The following GXYLT2 variants were observed in gnomAD, a reference collection of about 807,000 sequenced individuals.
The protein encoded by GXYLT2 is glucoside xylosyltransferase 2.
Under a neutral mutation model 45.8 loss-of-function variants are expected in GXYLT2, and 53 were observed. That is an observed-to-expected ratio of 1.16 (90% confidence interval 0.93 to 1.46). The LOEUF (loss-of-function observed/expected upper bound fraction) is 1.46. GXYLT2 is among the 40% of genes most tolerant of loss of function. The pLI, the probability that GXYLT2 is intolerant of heterozygous loss-of-function variation, is 0.00. For missense variants in GXYLT2, 551 were observed against 544.4 expected (o/e 1.01, Z -0.12); for synonymous variants, 219 against 214.2 (o/e 1.02, Z -0.19).
At chr3:72,928,648 C>T (rs971671415) in intron 3 of GXYLT2, among the ~76,000 whole-genome samples, 1 of 152,078 alleles carries the variant, frequency 6.6e-6, no homozygotes, top group African/African-American at 2.4e-5. Flanking sequence ...AAGGGAGAGC[C>T]AGAGGACAAT....
intron 3 of GXYLT2, among the ~76,000 whole-genome samples, chr3:72,948,331 C>T (rs1292406054): frequency 6.6e-6 from 1 of 152,146 alleles, no homozygotes; most frequent in Non-Finnish European, 1.5e-5. Flanking sequence ...ATCAAATGTA[C>T]AGGGAACATT....
chr3:72,956,889 C>CAAAACA (rs530195344), intron 4 of GXYLT2, among the ~76,000 whole-genome samples: 1,401 of 57,446 alleles, frequency 0.024, 37 homozygotes, highest in African/African-American at 0.084. Flanking sequence ...GACTCTGTCT[C>CAAAACA]AAAACAAAAA....
intron 3 of GXYLT2, among the ~76,000 whole-genome samples, chr3:72,946,057 G>T (rs980929806): frequency 1.3e-5 from 2 of 151,942 alleles, no homozygotes; most frequent in African/African-American, 2.4e-5. Flanking sequence ...TGGGAGGGTT[G>T]CTTGAGCTCA....
At chr3:72,892,398 A>G (rs1260983281) in intron 1 of GXYLT2, among the ~76,000 whole-genome samples, 1 of 152,136 alleles carries the variant, frequency 6.6e-6, no homozygotes, top group East Asian at 1.9e-4. Flanking sequence ...TATGGCTTCT[A>G]AGGGAGACTT....
At chr3:72,964,971 A>G (rs1710837504) in intron 5 of GXYLT2, among the ~76,000 whole-genome samples, 1 of 152,180 alleles carries the variant, frequency 6.6e-6, no homozygotes, top group African/African-American at 2.4e-5. Flanking sequence ...CCTTTATTTA[A>G]TCCTCACATC....
intron 5 of GXYLT2, among the ~76,000 whole-genome samples, chr3:72,960,099 C>A (rs1710740873): frequency 6.6e-6 from 1 of 152,192 alleles, no homozygotes; most frequent in Admixed American, 6.5e-5. Flanking sequence ...GCACCTGCCA[C>A]CACACCCAGC....
At position 72,888,592 on chromosome 3, in the gene GXYLT2, G is replaced by A. The variant is rs1575769453; in HGVS notation, c.275+84G>A. 5 of 938,952 alleles carry A rather than the reference G, an allele frequency of 5.3e-6. No homozygotes were observed. The East Asian group carries it at 2.8e-4, about 53-fold the overall frequency. 58.2% of individuals were successfully genotyped at this position (938,952 alleles called of 1,614,324 possible). On this transcript the variant is annotated intron_variant, in intron 1 of 6. Coordinates refer to ENST00000389617, the MANE Select transcript of GXYLT2 (RefSeq NM_001080393.2). The stretch of plus-strand genomic sequence containing the variant: ...GTGCCAAGTCCAAGGGAGGCTTTGC[G>A]CTGGAGAGACAGATTTCCAAGTTTC...
chr3:72,941,665 A>C (rs1195040088), intron 3 of GXYLT2, among the ~76,000 whole-genome samples: 1 of 152,190 alleles, frequency 6.6e-6, no homozygotes, highest in Non-Finnish European at 1.5e-5. Context: ...ACACACACAT[A>C]CACACATGCC....
At chr3:72,934,347 A>G (rs1046634462) in intron 3 of GXYLT2, among the ~76,000 whole-genome samples, 3 of 152,074 alleles carry the variant, frequency 2.0e-5, no homozygotes, top group African/African-American at 7.2e-5. Context: ...CAGTCTCCCA[A>G]AGTGCTGGGA....
rs1271907011 is a variant in GXYLT2, at chr3:72,976,846, C to T, written c.*1687C>T. ...TATAATTGCTATTCTGTAAGACATACAGTCTGTGTAAGATGTATCTTATTT... is the reference window on the plus strand; with the variant it reads ...TATAATTGCTATTCTGTAAGACATATAGTCTGTGTAAGATGTATCTTATTT... On this transcript the variant is annotated 3_prime_UTR_variant, in exon 7 of 7. Transcript: ENST00000389617. 3.3e-5 allele frequency: 5 copies of T among 152,038 alleles called. No homozygotes were observed. Among genetic ancestry groups the T allele is most frequent in the African/African-American group, 1.2e-4 (5 of 41,368 alleles). 9.4% of individuals were successfully genotyped at this position (152,038 alleles called of 1,614,324 possible). A position where few individuals can be genotyped will look rare whatever the true frequency, so the allele number is the denominator to read the frequency against.
intron 3 of GXYLT2, among the ~76,000 whole-genome samples, chr3:72,954,708 C>T (rs1372810705): frequency 6.6e-6 from 1 of 151,656 alleles, no homozygotes; most frequent in African/African-American, 2.4e-5. Flanking sequence ...TTTCTAATGC[C>T]ACACTGGATG....
intron 3 of GXYLT2, among the ~76,000 whole-genome samples, chr3:72,925,407 C>T (rs1390360263): frequency 6.6e-6 from 1 of 152,074 alleles, no homozygotes; most frequent in African/African-American, 2.4e-5. Flanking sequence ...CCGCCCGCCT[C>T]GGCCTCCCAA....
At chr3:72,960,040 G>C (rs1035768827) in intron 5 of GXYLT2, among the ~76,000 whole-genome samples, 7 of 152,136 alleles carry the variant, frequency 4.6e-5, no homozygotes, top group Non-Finnish European at 8.8e-5. Context: ...CTGCCTCCTG[G>C]GTTCAAGCGA....
intron 6 of GXYLT2, among the ~76,000 whole-genome samples, chr3:72,969,080 A>AG (rs1710933532): frequency 6.6e-6 from 1 of 151,326 alleles, no homozygotes; most frequent in South Asian, 2.1e-4. Context: ...CAAAAAAAAA[A>AG]GAAGGTTCTT....
Position 72,967,662 on chromosome 3 carries a change from C to T in GXYLT2, c.1092C>T (p.Gly364=), listed in dbSNP as rs763120444. Residue 364 remains glycine, a synonymous_variant, in exon 6 of 7, where the codon GGC becomes GGT. Coordinates refer to ENST00000389617, the MANE Select transcript of GXYLT2 (RefSeq NM_001080393.2). Reference sequence around the variant, plus strand: ...TGTCTGTTCTGCATGGAAACCGAGGCGTCTACCATGACGATAAGCAACCAA... The same window carrying T: ...TGTCTGTTCTGCATGGAAACCGAGGTGTCTACCATGACGATAAGCAACCAA... ...EGVSVLHGNR[G]VYHDDKQPTF... The T allele has an allele frequency of 7.4e-6, 12 of 1,613,776 alleles. No individual in the cohort carries two copies. Among genetic ancestry groups the T allele is most frequent in the African/African-American group, 1.3e-5 (1 of 74,908 alleles).
In GXYLT2 at chr3:72,974,550, T is replaced by G. The variant is rs537608373; in HGVS notation, c.1150-427T>G. Among the ~76,000 whole-genome samples the G allele has an allele frequency of 2.0e-5, 3 of 152,334 alleles. No individual in the cohort carries two copies. The East Asian group carries it at 5.8e-4, about 29-fold the overall frequency. On this transcript the variant is annotated intron_variant, in intron 6 of 6. Coordinates refer to ENST00000389617, the MANE Select transcript of GXYLT2 (RefSeq NM_001080393.2). ...CTATGATATATGGACTTTCCTGTCC[T>G]TAGAGACATGCATCATTTTTAGATT...
intron 2 of GXYLT2, among the ~76,000 whole-genome samples, chr3:72,913,694 C>T (rs1178579336): frequency 6.6e-6 from 1 of 151,778 alleles, no homozygotes; most frequent in African/African-American, 2.4e-5. Context: ...GACTCTGTCT[C>T]AAAAAATAAA....
chr3:72,932,455 A>G (rs1710057514), intron 3 of GXYLT2, among the ~76,000 whole-genome samples: 1 of 152,238 alleles, frequency 6.6e-6, no homozygotes, highest in African/African-American at 2.4e-5. Context: ...GTCATATCTA[A>G]GAAACCATTG....
At chr3:72,890,108 G>T (rs974672292) in intron 1 of GXYLT2, among the ~76,000 whole-genome samples, 3 of 152,070 alleles carry the variant, frequency 2.0e-5, no homozygotes, top group Admixed American at 6.6e-5. Context: ...TTAGTAGAGA[G>T]ACGGGGTTTC....
Sources: gnomAD v4.1 joint callset for allele counts (sites outside exome capture counted in the v4.1 genomes callset) on GRCh38, gnomAD v4.1.1 for gene constraint, MANE v1.5 for transcripts, NCBI Gene and HGNC (gene_info 2026-07-23, HGNC 2026-07-21) for gene names.